The following ASNS variants were observed in gnomAD, a reference collection of about 807,000 sequenced individuals.
ASNS encodes the protein asparagine synthetase [glutamine-hydrolyzing].
A neutral mutation model predicts 62.6 loss-of-function variants in ASNS; 37 were observed. That is an observed-to-expected ratio of 0.59 (90% confidence interval 0.45 to 0.78). ASNS has a LOEUF of 0.78. ASNS is among the 30% of genes least tolerant of loss of function. The pLI is 0.00. For synonymous variants in ASNS, 207 were observed against 237.9 expected, an observed-to-expected ratio of 0.87 and a Z score of 1.19; for missense variants, 520 against 682.4, an observed-to-expected ratio of 0.76 and a Z score of 2.65.
At chr7:97,902,551 A>T in the ASNS span, among the ~76,000 whole-genome samples, 1 of 152,042 alleles carries the variant, frequency 6.6e-6, no homozygotes. Flanking sequence ...CCTCTCTACA[A>T]AAAATAAATA....
intron 1 of ASNS, chr7:97,871,587 T>A (rs1792263227): frequency 6.6e-6 from 1 of 152,284 alleles, no homozygotes; most frequent in South Asian, 2.1e-4. Context: ...CGGGCCGAGA[T>A]GAAAACTGTC....
At chr7:97,908,536 G>A in the ASNS span, 20 of 151,946 alleles carry the variant, frequency 1.3e-4, no homozygotes, top group African/African-American at 4.8e-4. Context: ...CCGTAGCTGG[G>A]ATTACAGGCA....
chr7:97,880,441 A>G, the ASNS span, among the ~76,000 whole-genome samples: 1 of 152,084 alleles, frequency 6.6e-6, no homozygotes, highest in South Asian at 2.1e-4. Flanking sequence ...TTTATGTTAC[A>G]TCCATGTGAA....
At chr7:97,914,149 T>A in the ASNS span, among the ~76,000 whole-genome samples, 1 of 107,234 alleles carries the variant, frequency 9.3e-6, no homozygotes, top group South Asian at 3.4e-4. Context: ...GATGGATGGA[T>A]GCATGGATGG....
chr7:97,852,038 G>C lies in ASNS; in HGVS notation c.*221C>G. The C allele has an allele frequency of 1.8e-6, 1 of 551,848 alleles. No individual in the cohort carries two copies. Among genetic ancestry groups the C allele is most frequent in the South Asian group, 2.3e-5 (1 of 44,098 alleles). 34.2% of individuals were successfully genotyped at this position (551,848 alleles called of 1,614,324 possible). A position where few individuals can be genotyped will look rare whatever the true frequency, so the allele number is the denominator to read the frequency against. On this transcript the variant is annotated 3_prime_UTR_variant, in exon 13 of 13. Transcript: ENST00000394308. The stretch of plus-strand genomic sequence containing the variant: ...CATCTGATCATTTTCCCTTTTCCTA[G>C]CTTACCCTCCACTTTACTGTGATAC...
At chr7:97,872,477 T>G (rs1252966632), upstream of ASNS, 3 of 152,730 alleles carry the variant, frequency 2.0e-5, no homozygotes. Context: ...AGTTTCATCA[T>G]GCCTGCGAGG....
the ASNS span, among the ~76,000 whole-genome samples, chr7:97,924,380 C>T: frequency 1.3e-5 from 2 of 152,202 alleles, no homozygotes; most frequent in Admixed American, 6.5e-5. Context: ...TACAAGAGCG[C>T]CACGGCAGAC....
At chr7:97,895,933 A>G in the ASNS span, among the ~76,000 whole-genome samples, 1 of 152,040 alleles carries the variant, frequency 6.6e-6, no homozygotes, top group African/African-American at 2.4e-5. Flanking sequence ...AAGAAATTCT[A>G]TTTACAATAG....
At chr7:97,909,958 G>A in the ASNS span, among the ~76,000 whole-genome samples, 1 of 152,120 alleles carries the variant, frequency 6.6e-6, no homozygotes, top group African/African-American at 2.4e-5. Context: ...CTGTTCCACT[G>A]AGCACCCACT....
chr7:97,861,517 T>TCTATA (rs1791718432), intron 4 of ASNS, among the ~76,000 whole-genome samples: 1 of 152,206 alleles, frequency 6.6e-6, no homozygotes, highest in East Asian at 1.9e-4. Context: ...ATCCCACTAG[T>TCTATA]CTATACATCT....
At chr7:97,853,515 A>G in intron 10 of ASNS, 129 bp from the exon 11 acceptor site, 1 of 720,604 alleles carries the variant, frequency 1.4e-6, no homozygotes, top group Non-Finnish European at 2.3e-6. Flanking sequence ...GTCACATACA[A>G]GCCTCCTAAT....
At chr7:97,925,525 A>G in the ASNS span, among the ~76,000 whole-genome samples, 7 of 152,138 alleles carry the variant, frequency 4.6e-5, no homozygotes, top group Non-Finnish European at 8.8e-5. Context: ...TAACCATCCT[A>G]CAATACACGG....
the ASNS span, among the ~76,000 whole-genome samples, chr7:97,906,066 T>C: frequency 6.6e-6 from 1 of 152,204 alleles, no homozygotes; most frequent in Non-Finnish European, 1.5e-5. Flanking sequence ...ATTATTTTTG[T>C]ACTAGCCTAG....
At chr7:97,879,191 C>G in the ASNS span, among the ~76,000 whole-genome samples, 2 of 152,094 alleles carry the variant, frequency 1.3e-5, no homozygotes, top group Admixed American at 1.3e-4. Context: ...ACCATAAAAA[C>G]CCTAGAAGAA....
At chr7:97,923,426 CA>C in the ASNS span, among the ~76,000 whole-genome samples, 1 of 152,016 alleles carries the variant, frequency 6.6e-6, no homozygotes, top group Non-Finnish European at 1.5e-5. Flanking sequence ...ACTAAAAATA[CA>C]AAAGTTAGTC....
At chr7:97,875,355 T>C (rs1562827459), upstream of ASNS, among the ~76,000 whole-genome samples, 1 of 152,212 alleles carries the variant, frequency 6.6e-6, no homozygotes, top group Non-Finnish European at 1.5e-5. Context: ...GCCAGGCTGG[T>C]CTTGAACTCC....
At chr7:97,909,077 A>G in the ASNS span, 6 of 152,180 alleles carry the variant, frequency 3.9e-5, no homozygotes. Context: ...TTATATGTGT[A>G]TGAGGAATTC....
the ASNS span, among the ~76,000 whole-genome samples, chr7:97,925,774 C>T: frequency 6.6e-6 from 1 of 152,122 alleles, no homozygotes; most frequent in Non-Finnish European, 1.5e-5. Flanking sequence ...CTTGAATGCT[C>T]GGTTCTGCCT....
chr7:97,869,276 G>C, intron 2 of ASNS, 97 bp from the exon 3 acceptor site: 1 of 1,370,178 alleles, frequency 7.3e-7, no homozygotes, highest in Non-Finnish European at 9.8e-7. Flanking sequence ...CCACTTCAAA[G>C]ACTAAAATTT....
Sources: allele counts gnomAD v4.1 joint callset (sites outside exome capture counted in the v4.1 genomes callset), GRCh38; gene constraint gnomAD v4.1.1; transcripts MANE v1.5; gene names NCBI Gene and HGNC (gene_info 2026-07-23, HGNC 2026-07-21).